GRID1: variants seen among roughly 807,000 people sequenced by gnomAD.
GRID1 encodes glutamate ionotropic receptor delta type subunit 1.
Under a neutral mutation model 98.0 loss-of-function variants are expected in GRID1, and 28 were observed. That is an observed-to-expected ratio of 0.29 (90% CI 0.21 to 0.39). The LOEUF (loss-of-function observed/expected upper bound fraction) is 0.39, where lower values mean the gene tolerates loss of function less well. Ranked by LOEUF, GRID1 falls within the 10% of genes least tolerant of loss-of-function variation. The pLI is 1.00. For synonymous variants in GRID1, 553 were observed against 538.5 expected (o/e 1.03, Z -0.37); for missense variants, 1,111 against 1,340.5 (o/e 0.83, Z 2.67).
intron 8 of GRID1, among the ~76,000 whole-genome samples, chr10:85,733,154 C>T (rs1841843921): frequency 6.6e-6 from 1 of 152,262 alleles, no homozygotes; most frequent in Non-Finnish European, 1.5e-5. Flanking sequence ...ATGTTCAGCC[C>T]AATATCCATG....
chr10:85,838,170 C>T (rs1446064824), intron 8 of GRID1, among the ~76,000 whole-genome samples: 2 of 152,012 alleles, frequency 1.3e-5, no homozygotes, highest in African/African-American at 2.4e-5. Flanking sequence ...TGTAAAGAGA[C>T]CAAACCTATG....
At chr10:86,238,814 C>G (rs114789452) in intron 2 of GRID1, among the ~76,000 whole-genome samples, 274 of 152,270 alleles carry the variant, frequency 1.8e-3, no homozygotes, top group African/African-American at 5.1e-3. Context: ...GGAGCCTCCA[C>G]CTAGATTTCA....
At chr10:85,706,957 T>C (rs1841527001) in intron 12 of GRID1, among the ~76,000 whole-genome samples, 1 of 152,124 alleles carries the variant, frequency 6.6e-6, no homozygotes, top group African/African-American at 2.4e-5. Context: ...ATACTAAAAT[T>C]AATTCAAGAT....
At chr10:86,295,244 A>G (rs905311282) in intron 2 of GRID1, among the ~76,000 whole-genome samples, 3 of 152,118 alleles carry the variant, frequency 2.0e-5, no homozygotes, top group Admixed American at 1.3e-4. Context: ...AGGAGATAAC[A>G]CAGTGTCCTT....
intron 13 of GRID1, among the ~76,000 whole-genome samples, chr10:85,635,815 A>G (rs960619940): frequency 6.6e-6 from 1 of 152,222 alleles, no homozygotes; most frequent in African/African-American, 2.4e-5. Flanking sequence ...AGGGATAACC[A>G]GGAACCAGCC....
chr10:86,165,555 C>T (rs779417038), intron 3 of GRID1, among the ~76,000 whole-genome samples: 3 of 152,168 alleles, frequency 2.0e-5, no homozygotes, highest in Admixed American at 6.5e-5. Flanking sequence ...GCCAAAGAGG[C>T]GGCCTGTGGC....
At chr10:85,927,124 G>T (rs1363920383) in intron 4 of GRID1, among the ~76,000 whole-genome samples, 2 of 152,182 alleles carry the variant, frequency 1.3e-5, no homozygotes, top group Non-Finnish European at 2.9e-5. Context: ...AGTTAGGACA[G>T]GAAGTGTGTG....
At chr10:85,865,920 T>TATATATATATATAC (rs1554836181) in intron 6 of GRID1, among the ~76,000 whole-genome samples, 25 of 109,422 alleles carry the variant, frequency 2.3e-4, no homozygotes, top group African/African-American at 8.0e-4. Flanking sequence ...TACATATATA[T>TATATATATATATAC]ATATATATAT....
chr10:86,085,134 C>T (rs1844032258), intron 4 of GRID1, among the ~76,000 whole-genome samples: 1 of 152,228 alleles, frequency 6.6e-6, no homozygotes, highest in Non-Finnish European at 1.5e-5. Flanking sequence ...GCCTCTCTCT[C>T]ACTGCTTCGA....
chr10:85,832,931 G>A (rs1048597486), intron 8 of GRID1, among the ~76,000 whole-genome samples: 4 of 152,000 alleles, frequency 2.6e-5, no homozygotes, highest in Non-Finnish European at 4.4e-5. Context: ...ACCAACCTGG[G>A]ACTCCCCTGA....
chr10:86,272,629 G>A (rs1564725430), intron 2 of GRID1, among the ~76,000 whole-genome samples: 1 of 152,158 alleles, frequency 6.6e-6, no homozygotes, highest in Non-Finnish European at 1.5e-5. Context: ...AGACCAAAAA[G>A]TGACAGGCAT....
chr10:85,702,152 A>G (rs1281555863), intron 12 of GRID1, among the ~76,000 whole-genome samples: 3 of 152,146 alleles, frequency 2.0e-5, no homozygotes, highest in African/African-American at 7.2e-5. Flanking sequence ...AAATACTATA[A>G]TTTACTACAG....
chr10:85,892,763 T>C (rs755373994), intron 5 of GRID1, among the ~76,000 whole-genome samples: 2 of 152,064 alleles, frequency 1.3e-5, no homozygotes, highest in Non-Finnish European at 2.9e-5. Context: ...ACGTCATTGG[T>C]GAATTCTACA....
intron 8 of GRID1, among the ~76,000 whole-genome samples, chr10:85,770,524 T>TC (rs1842252617): frequency 6.6e-6 from 1 of 152,036 alleles, no homozygotes; most frequent in South Asian, 2.1e-4. Flanking sequence ...ATCAAACTAC[T>TC]CCTAGCTACA....
chr10:85,710,049 C>G (rs1438473401), intron 12 of GRID1, among the ~76,000 whole-genome samples: 3 of 152,068 alleles, frequency 2.0e-5, no homozygotes, highest in African/African-American at 7.2e-5. Context: ...GATGGCAATA[C>G]TGTTCAGAAT....
intron 4 of GRID1, among the ~76,000 whole-genome samples, chr10:86,035,681 CTAGGTGTG>C (rs1843250872): frequency 2.0e-5 from 3 of 152,050 alleles, no homozygotes; most frequent in Non-Finnish European, 4.4e-5. Context: ...GGGCTAGGCA[CTAGGTGTG>C]CTTTGGTGAA....
chr10:86,219,033 C>A (rs1208606387), intron 2 of GRID1, among the ~76,000 whole-genome samples: 1 of 152,230 alleles, frequency 6.6e-6, no homozygotes, highest in Non-Finnish European at 1.5e-5. Context: ...CCAGTCATCA[C>A]CCTGTGGGTC....
intron 5 of GRID1, among the ~76,000 whole-genome samples, chr10:85,874,573 TA>T (rs534620153): frequency 1.0e-3 from 158 of 152,324 alleles, no homozygotes; most frequent in Middle Eastern, 3.4e-3. Context: ...TGTGGGAATA[TA>T]TTTTTTTATT....
At chr10:85,643,249 C>T (rs1257455909) in intron 13 of GRID1, among the ~76,000 whole-genome samples, 4 of 152,100 alleles carry the variant, frequency 2.6e-5, no homozygotes, top group African/African-American at 9.7e-5. Context: ...AGGAGAAGCC[C>T]CTCGGTGGGC....
Sources: allele counts gnomAD v4.1 joint callset (sites outside exome capture counted in the v4.1 genomes callset), GRCh38; gene constraint gnomAD v4.1.1; transcripts MANE v1.5; gene names NCBI Gene and HGNC (gene_info 2026-07-23, HGNC 2026-07-21).